ZMYM5: variants seen among roughly 807,000 people sequenced by gnomAD.
ZMYM5 encodes the protein zinc finger MYM-type protein 5.
In ZMYM5, 41 loss-of-function variants were observed where a neutral mutation model predicts 61.8. The observed-to-expected ratio is 0.66, with a 90% CI of 0.52 to 0.86. The LOEUF is 0.86. ZMYM5 is among the 40% of genes least tolerant of loss of function. The pLI, the probability that ZMYM5 is intolerant of heterozygous loss-of-function variation, is 0.00. For synonymous variants in ZMYM5, 257 were observed against 276.4 expected (o/e 0.93, Z 0.70); for missense variants, 706 against 786.7 (o/e 0.90, Z 1.23).
intron 7 of ZMYM5, among the ~76,000 whole-genome samples, chr13:19,831,128 A>T (rs866822572): frequency 0.012 from 1,668 of 136,276 alleles, 37 homozygotes; most frequent in African/African-American, 0.043. Flanking sequence ...CACCCAGCCT[A>T]TTTTTTTTTT....
intron 2 of ZMYM5, among the ~76,000 whole-genome samples, chr13:19,858,416 C>G (rs1240584163): frequency 6.6e-6 from 1 of 151,448 alleles, no homozygotes; most frequent in Non-Finnish European, 1.5e-5. Flanking sequence ...GAAACCTTGT[C>G]TCTACAAAAA....
intron 4 of ZMYM5, among the ~76,000 whole-genome samples, chr13:19,848,608 A>C (rs1200397407): frequency 2.0e-5 from 3 of 151,738 alleles, no homozygotes; most frequent in Non-Finnish European, 4.4e-5. Flanking sequence ...ATCTGGGCTC[A>C]CTGCAACCTC....
In ZMYM5 at chr13:19,851,841, T is replaced by C. The variant is rs1427174931; in HGVS notation, c.340A>G (p.Ser114Gly). ...TCATCATCAATAACAATTGTCTCACTTATATTTCCTTTCTGAGATGCCAAA... is the reference window on the plus strand; with the variant it reads ...TCATCATCAATAACAATTGTCTCACCTATATTTCCTTTCTGAGATGCCAAA... The part of the protein sequence containing the change: ...RDLASQKGNI[S>G]ETIVIDDEED... The change falls in exon 3 of 8, where the codon AGT becomes GGT. Residue 114 changes from serine to glycine, a missense_variant. Physicochemically the swap from Ser to Gly is moderately conservative, Grantham distance 56. Around this residue, in one of 2 missense-constraint regions of ZMYM5, gnomAD observed 480 missense variants for 461.7 expected, o/e 1.04. Coordinates refer to ENST00000337963, the MANE Select transcript of ZMYM5 (RefSeq NM_001142684.2). The C allele has an allele frequency of 1.9e-6, 3 of 1,612,546 alleles. No homozygotes were observed. Among genetic ancestry groups the C allele is most frequent in the Admixed American group, 1.7e-5 (1 of 59,640 alleles).
chr13:19,854,008 T>C (rs1328425084), intron 2 of ZMYM5, among the ~76,000 whole-genome samples: 4 of 152,156 alleles, frequency 2.6e-5, no homozygotes, highest in African/African-American at 9.7e-5. Flanking sequence ...ACATCTCATA[T>C]TGAAACATGC....
intron 7 of ZMYM5, among the ~76,000 whole-genome samples, chr13:19,832,968 G>C (rs1280807929): frequency 7.0e-6 from 1 of 143,606 alleles, no homozygotes; most frequent in African/African-American, 2.7e-5. Context: ...TCCTGGACTA[G>C]TGCCATCCTC....
intron 4 of ZMYM5, among the ~76,000 whole-genome samples, chr13:19,845,677 T>G (rs185137904): frequency 6.6e-6 from 1 of 152,282 alleles, no homozygotes; most frequent in Admixed American, 6.5e-5. Context: ...CATTTAGTTG[T>G]TTGTTGTTTT....
intron 2 of ZMYM5, among the ~76,000 whole-genome samples, chr13:19,860,286 C>T (rs895088228): frequency 5.4e-5 from 8 of 149,066 alleles, no homozygotes; most frequent in South Asian, 2.1e-4. Context: ...CCAGCACACC[C>T]GTTTAATTTT....
At chr13:19,847,296 G>A (rs541017286) in intron 4 of ZMYM5, among the ~76,000 whole-genome samples, 28 of 152,148 alleles carry the variant, frequency 1.8e-4, no homozygotes, top group Admixed American at 1.3e-3. Context: ...TAACAACCTC[G>A]AAAACTACTA....
chr13:19,853,014 A>C (rs566683159), intron 2 of ZMYM5, among the ~76,000 whole-genome samples: 38 of 152,162 alleles, frequency 2.5e-4, no homozygotes, highest in Non-Finnish European at 4.7e-4. Context: ...CAGCCCAGCT[A>C]ATGTTCCATA....
chr13:19,824,500 C>G lies in ZMYM5; in HGVS notation c.1987G>C (p.Gly663Arg), dbSNP rs1701776253. ...TATTACGTGTACAACAACAGCACAC[C>G]ATCATTTTTCTCATTTTCATATAAT... The part of the protein sequence containing the change: ...HRLYENEKND[G>R]VLLLYT Residue 663 changes from glycine (G) to arginine (R), a missense_variant, in exon 8 of 8, where the codon GGT (glycine) becomes CGT (arginine). This residue lies in a region of ZMYM5 where 226 missense variants were observed against 325.0 expected (regional missense o/e 0.70). Coordinates refer to ENST00000337963, the MANE Select transcript of ZMYM5 (RefSeq NM_001142684.2). The G allele has an allele frequency of 7.6e-7, 1 of 1,310,934 alleles. No homozygotes were observed. Among genetic ancestry groups the G allele is most frequent in the African/African-American group, 1.5e-5 (1 of 65,610 alleles). The allele number at this position is 1,310,934 out of a possible 1,614,324, so 81.2% of individuals were successfully genotyped here.
intron 4 of ZMYM5, among the ~76,000 whole-genome samples, chr13:19,847,803 A>ATTTTTTTTT (rs34176871): frequency 2.7e-3 from 215 of 79,874 alleles, no homozygotes; most frequent in Middle Eastern, 0.011. Flanking sequence ...TGCCCGGCTA[A>ATTTTTTTTT]TTTTTTTTTT....
intron 2 of ZMYM5, among the ~76,000 whole-genome samples, chr13:19,854,934 A>C (rs1480835376): frequency 1.3e-5 from 2 of 152,226 alleles, no homozygotes; most frequent in Non-Finnish European, 2.9e-5. Flanking sequence ...AATTGTTAAA[A>C]ATTACTTATC....
At chr13:19,850,191 T>C (rs961667470) in intron 4 of ZMYM5, among the ~76,000 whole-genome samples, 2 of 152,200 alleles carry the variant, frequency 1.3e-5, no homozygotes, top group South Asian at 4.1e-4. Flanking sequence ...TGTTATGTTT[T>C]AATTATATCA....
chr13:19,836,286 A>G (rs1186385660), intron 6 of ZMYM5, among the ~76,000 whole-genome samples: 1 of 145,360 alleles, frequency 6.9e-6, no homozygotes, highest in Non-Finnish European at 1.5e-5. Context: ...TTTTTTTTTG[A>G]GACAAGTTTT....
intron 2 of ZMYM5, among the ~76,000 whole-genome samples, chr13:19,853,161 A>T (rs749317605): frequency 6.6e-6 from 1 of 152,166 alleles, no homozygotes; most frequent in Non-Finnish European, 1.5e-5. Flanking sequence ...CTAGCCCCAA[A>T]TTCTTAACTT....
intron 1 of ZMYM5, among the ~76,000 whole-genome samples, 177 bp from the exon 2 acceptor site, chr13:19,862,643 G>A (rs1313863486): frequency 6.6e-6 from 1 of 152,064 alleles, no homozygotes; most frequent in African/African-American, 2.4e-5. Context: ...GAACCGCAAC[G>A]ACGAGACAAA....
intron 6 of ZMYM5, among the ~76,000 whole-genome samples, chr13:19,836,361 A>C (rs1258478032): frequency 1.3e-5 from 2 of 151,906 alleles, no homozygotes; most frequent in Non-Finnish European, 2.9e-5. Context: ...CCTCCTGAAT[A>C]GCCCAGATTA....
intron 7 of ZMYM5, among the ~76,000 whole-genome samples, chr13:19,834,327 T>C (rs1952611971): frequency 6.7e-6 from 1 of 148,886 alleles, no homozygotes; most frequent in Non-Finnish European, 1.5e-5. Flanking sequence ...TTTTTCCAAA[T>C]ATATTTATTT....
At chr13:19,861,606 C>A (rs1234707877) in intron 2 of ZMYM5, among the ~76,000 whole-genome samples, 1 of 152,138 alleles carries the variant, frequency 6.6e-6, no homozygotes, top group African/African-American at 2.4e-5. Context: ...AAGCTAATCA[C>A]AAGTTTGTTT....
Sources: gnomAD v4.1 joint callset for allele counts (sites outside exome capture counted in the v4.1 genomes callset) on GRCh38, gnomAD v4.1.1 for gene constraint, gnomAD v4.1.1 regional missense constraint, MANE v1.5 for transcripts, NCBI Gene and HGNC (gene_info 2026-07-23, HGNC 2026-07-21) for gene names.